The following WWOX variants were observed in gnomAD, a reference collection of about 807,000 sequenced individuals.
WWOX encodes WW domain-containing oxidoreductase.
A neutral mutation model predicts 46.2 loss-of-function variants in WWOX; 69 were observed. The observed-to-expected ratio is 1.49, with a 90% CI of 1.23 to 1.82. WWOX has a LOEUF of 1.82. WWOX is among the 40% of genes most tolerant of loss of function. WWOX has a pLI of 0.00. For synonymous variants in WWOX, 359 were observed against 202.6 expected (o/e 1.77, Z -6.56); for missense variants, 919 against 542.6 (o/e 1.69, Z -6.89).
Position 78,616,219 on chromosome 16 carries a change from G to GTT in WWOX, c.1056+183476_1056+183477dup, listed in dbSNP as rs112617111. The stretch of plus-strand genomic sequence containing the variant: ...ACACAAGCACACACACACTTTTGTG[G>GTT]TTTTTTTTTTAATTATATAAGCAAG... On this transcript the variant is annotated intron_variant, in intron 8 of 8. Transcript: ENST00000566780. Among the ~76,000 whole-genome samples the GTT allele has an allele frequency of 7.6e-3, 1,141 of 149,528 alleles. 14 individuals are homozygous for GTT. The highest frequency in any genetic ancestry group is 0.027 in the African/African-American group (1,092 of 40,836).
rs554575650 is a variant in WWOX at position 78,619,305 on chromosome 16, A to G, written c.1056+186553A>G. On this transcript the variant is annotated intron_variant, in intron 8 of 8. Transcript: ENST00000566780. ...CTTGAACCTGGGAGTCGGAGGTTGC[A>G]GTAAGCTGAGATCGCCACTGCACTC... is the stretch of plus-strand genomic sequence containing the variant. Among the ~76,000 whole-genome samples the G allele has an allele frequency of 7.2e-4, 93 of 128,524 alleles. 1 individual carries two copies. Among genetic ancestry groups the G allele is most frequent in the Non-Finnish European group, 1.1e-3 (70 of 61,896 alleles). The allele number at this position is 128,524 out of a possible 152,430, so 84.3% of individuals were successfully genotyped here.
intron 8 of WWOX, among the ~76,000 whole-genome samples, chr16:78,663,985 C>T (rs576761775): frequency 1.3e-4 from 20 of 152,258 alleles, no homozygotes; most frequent in African/African-American, 4.6e-4. Context: ...CTGGATTTTC[C>T]TTGACTTATG....
At chr16:78,564,487 A>T (rs2151563415) in intron 8 of WWOX, among the ~76,000 whole-genome samples, 1 of 152,298 alleles carries the variant, frequency 6.6e-6, no homozygotes, top group South Asian at 2.1e-4. Context: ...AGTCTCCCTC[A>T]CAAGGATCAG....
chr16:78,373,350 G>A (rs533536227), intron 5 of WWOX, among the ~76,000 whole-genome samples: 2 of 152,244 alleles, frequency 1.3e-5, no homozygotes, highest in East Asian at 3.9e-4. Flanking sequence ...TTCATTTAGT[G>A]GCTGTATTGT....
rs555042561 is a variant in WWOX at position 78,703,749 on chromosome 16, T to A, written c.1056+270997T>A. Among the ~76,000 whole-genome samples, 9 of 152,138 alleles carry A rather than the reference T, an allele frequency of 5.9e-5. No individual in the cohort carries two copies. The South Asian group carries it at 1.9e-3, about 32-fold the overall frequency. On this transcript the variant is annotated intron_variant, in intron 8 of 8. Transcript: ENST00000566780. Reference sequence around the variant, plus strand: ...GTTGGGAAGAATATCCCAAAATGTGTTTCCAACTACCTCACTGATTTTGAC... The same window carrying A: ...GTTGGGAAGAATATCCCAAAATGTGATTCCAACTACCTCACTGATTTTGAC...
At chr16:78,636,981 C>T (rs77941476) in intron 8 of WWOX, among the ~76,000 whole-genome samples, 2,768 of 152,236 alleles carry the variant, frequency 0.018, 45 homozygotes, top group Non-Finnish European at 0.026. Flanking sequence ...CTGTGCAATT[C>T]CCAACAGAGG....
intron 8 of WWOX, among the ~76,000 whole-genome samples, chr16:78,889,776 G>A (rs1019080634): frequency 2.0e-5 from 3 of 152,046 alleles, no homozygotes; most frequent in South Asian, 2.1e-4. Context: ...GTTCCGCCTC[G>A]ATCACAACAG....
At chr16:79,177,310 C>G (rs1027385676) in intron 8 of WWOX, among the ~76,000 whole-genome samples, 12 of 152,180 alleles carry the variant, frequency 7.9e-5, no homozygotes, top group African/African-American at 2.9e-4. Context: ...TCATTGCTCG[C>G]TTCGTTTCGG....
At chr16:78,269,580 C>T (rs2079434948) in intron 5 of WWOX, among the ~76,000 whole-genome samples, 1 of 152,200 alleles carries the variant, frequency 6.6e-6, no homozygotes, top group Non-Finnish European at 1.5e-5. Flanking sequence ...GCATTGCCAT[C>T]CTCATCAAAA....
intron 8 of WWOX, among the ~76,000 whole-genome samples, chr16:79,010,746 T>G (rs2047286834): frequency 7.1e-6 from 1 of 141,822 alleles, no homozygotes; most frequent in Admixed American, 7.7e-5. Context: ...ATGGGAACCT[T>G]CCAGGGACAT....
At position 79,122,433 on chromosome 16, in the gene WWOX, C is replaced by G. The variant is rs368304730; in HGVS notation, c.1057-89175C>G. Among the ~76,000 whole-genome samples the G allele has an allele frequency of 2.6e-5, 4 of 152,174 alleles. No individual in the cohort carries two copies. The East Asian group carries it at 7.7e-4, about 29-fold the overall frequency. Reference sequence around the variant, plus strand: ...GGAGTGTGGAAAAGGTGTGGGCAAGCACGGCATCTCTTCTTTCTTTTTCTT... The same window carrying G: ...GGAGTGTGGAAAAGGTGTGGGCAAGGACGGCATCTCTTCTTTCTTTTTCTT... On this transcript the variant is annotated intron_variant, in intron 8 of 8. Transcript: ENST00000566780.
chr16:78,788,154 GTCCCCTTTATCTATT>G (rs2050501740), intron 8 of WWOX, among the ~76,000 whole-genome samples: 1 of 152,060 alleles, frequency 6.6e-6, no homozygotes, highest in Admixed American at 6.5e-5. Context: ...TCTTGATGAA[GTCCCCTTTATCTATT>G]TTGGATGTTG....
At chr16:79,126,528 A>G (rs1744470978) in intron 8 of WWOX, among the ~76,000 whole-genome samples, 1 of 152,110 alleles carries the variant, frequency 6.6e-6, no homozygotes, top group South Asian at 2.1e-4. Flanking sequence ...CTTGTGAAGA[A>G]GGTTCTTGCT....
intron 8 of WWOX, chr16:79,205,624 T>A (rs965859531): frequency 3.3e-5 from 5 of 152,210 alleles, no homozygotes; most frequent in Admixed American, 6.5e-5. Context: ...ATTCCTCTTC[T>A]ATAATAAAGG....
intron 4 of WWOX, chr16:78,123,760 A>G (rs996769696): frequency 1.3e-5 from 2 of 151,090 alleles, no homozygotes; most frequent in Admixed American, 6.6e-5. Context: ...CCGCAACCCT[A>G]TGTTTTTTTC....
intron 8 of WWOX, among the ~76,000 whole-genome samples, chr16:78,769,304 C>T (rs1375528021): frequency 6.6e-6 from 1 of 152,180 alleles, no homozygotes; most frequent in Non-Finnish European, 1.5e-5. Flanking sequence ...GTCCATCCAT[C>T]CATCCATCCT....
chr16:78,826,744 G>A (rs2051668415), intron 8 of WWOX, among the ~76,000 whole-genome samples: 3 of 152,086 alleles, frequency 2.0e-5, no homozygotes, highest in Admixed American at 2.0e-4. Flanking sequence ...CCTTTTTGGA[G>A]GCCACCATTC....
At chr16:79,206,471 A>C (rs1223167474) in intron 8 of WWOX, 1 of 152,186 alleles carries the variant, frequency 6.6e-6, no homozygotes, top group Non-Finnish European at 1.5e-5. Flanking sequence ...TGGAAATACT[A>C]ACTGTCCCTG....
At chr16:79,006,567 C>T (rs2047195275) in intron 8 of WWOX, among the ~76,000 whole-genome samples, 1 of 151,266 alleles carries the variant, frequency 6.6e-6, no homozygotes, top group Non-Finnish European at 1.5e-5. Context: ...TATTTGTTTT[C>T]AATTGCTGCT....
Sources: gnomAD v4.1 joint callset for allele counts (sites outside exome capture counted in the v4.1 genomes callset) on GRCh38, gnomAD v4.1.1 for gene constraint, MANE v1.5 for transcripts, NCBI Gene and HGNC (gene_info 2026-07-23, HGNC 2026-07-21) for gene names.